The following CCDC18 variants were observed in gnomAD, a reference collection of about 807,000 sequenced individuals.
CCDC18 encodes coiled-coil domain-containing protein 18.
A neutral mutation model predicts 196.0 loss-of-function variants in CCDC18; 157 were observed. The ratio of observed to expected loss-of-function variants is 0.80; its 90% CI spans 0.70 to 0.91. The LOEUF (loss-of-function observed/expected upper bound fraction) is 0.91. CCDC18 is among the 40% of genes least tolerant of loss of function. CCDC18 has a pLI of 0.00. For synonymous variants in CCDC18, 482 were observed against 529.2 expected (o/e 0.91, Z 1.22); for missense variants, 1,465 against 1,611.6 (o/e 0.91, Z 1.56).
At chr1:93,254,669 G>C in intron 24 of CCDC18, 55 bp downstream of exon 24, 1 of 1,491,722 alleles carries the variant, frequency 6.7e-7, no homozygotes, top group Non-Finnish European at 9.2e-7. Flanking sequence ...TGAGTGAAAT[G>C]AATCTTTATG....
chr1:93,197,486 T>C (rs61799470), intron 6 of CCDC18, among the ~76,000 whole-genome samples: 13,284 of 152,024 alleles, frequency 0.087, 912 homozygotes, highest in East Asian at 0.28. Flanking sequence ...AACTTTAAAA[T>C]AAATGAAAAA....
chr1:93,180,612 G>A (rs778466128), upstream of CCDC18: 7 of 1,348,458 alleles, frequency 5.2e-6, no homozygotes, highest in Non-Finnish European at 6.8e-6. Context: ...GGGCTCGGGC[G>A]CGCTCGCCGA....
intron 28 of CCDC18, chr1:93,271,400 T>C (rs1570664952): frequency 1.0e-6 from 1 of 985,202 alleles, no homozygotes; most frequent in South Asian, 4.7e-5. Flanking sequence ...ATCCCTCTTC[T>C]TTTTTAGAGA....
chr1:93,225,198 T>C lies in CCDC18; in HGVS notation c.2176-1135T>C, dbSNP rs192263785. On this transcript the variant is annotated intron_variant, in intron 16 of 28. Coordinates refer to ENST00000690025, the MANE Select transcript of CCDC18 (RefSeq NM_001378204.1). ...ATTAGCATTAAGAGGAAGAACACCA[T>C]TGAGAAGCTCAAATTTACAATAAAG... Among the ~76,000 whole-genome samples, 95 of 152,292 alleles carry C rather than the reference T, an allele frequency of 6.2e-4. 1 individual carries two copies. Among genetic ancestry groups the C allele is most frequent in the Admixed American group, 6.0e-3 (92 of 15,296 alleles).
At chr1:93,206,109 C>T (rs1371790012) in intron 8 of CCDC18, among the ~76,000 whole-genome samples, 1 of 116,866 alleles carries the variant, frequency 8.6e-6, no homozygotes, top group Non-Finnish European at 2.1e-5. Flanking sequence ...ATCATGTTGT[C>T]CTCTCAAAAC....
intron 21 of CCDC18, among the ~76,000 whole-genome samples, chr1:93,240,608 A>G (rs1660636596): frequency 6.6e-6 from 1 of 152,228 alleles, no homozygotes; most frequent in Non-Finnish European, 1.5e-5. Flanking sequence ...ACTGTACCAC[A>G]GAATTCAGTG....
Position 93,239,683 on chromosome 1 carries a change from T to G in CCDC18, c.2768T>G (p.Val923Gly). ...TAAAATTATTCTCTCCTCTTAATAGTAAAGGAGTTAGAAAAGTTACAGCAC... is the reference window on the plus strand; with the variant it reads ...TAAAATTATTCTCTCCTCTTAATAGGAAAGGAGTTAGAAAAGTTACAGCAC... Reference protein sequence around the residue: ...KTELEKKTNAVKELEKLQHST... With the variant: ...KTELEKKTNAGKELEKLQHST... Residue 923 changes from valine (V) to glycine (G), a missense_variant and splice_region_variant, in exon 21 of 29, where the codon GTA becomes GGA. Physicochemically the swap from Val to Gly is moderately radical, Grantham distance 109. Transcript: ENST00000690025. 1 of 1,596,280 alleles carries G rather than the reference T, an allele frequency of 6.3e-7. No individual in the cohort carries two copies. The highest frequency in any genetic ancestry group is 1.3e-5 in the African/African-American group (1 of 74,472).
At chr1:93,221,290 T>A (rs1657392096) in intron 14 of CCDC18, among the ~76,000 whole-genome samples, 1 of 44,536 alleles carries the variant, frequency 2.2e-5, no homozygotes, top group South Asian at 4.4e-4. Flanking sequence ...CTCCAGCATC[T>A]GTTTTTTGAC....
intron 2 of CCDC18, 65 bp downstream of exon 2, chr1:93,183,560 A>C (rs1396564988): frequency 8.5e-7 from 1 of 1,170,350 alleles, no homozygotes. Flanking sequence ...AAATGTGTGG[A>C]TTTCATTATG....
At chr1:93,259,611 G>T (rs1000321081) in intron 26 of CCDC18, among the ~76,000 whole-genome samples, 2 of 152,142 alleles carry the variant, frequency 1.3e-5, no homozygotes, top group African/African-American at 4.8e-5. Context: ...GGGCTTGTGG[G>T]GACCATGTCT....
At chr1:93,250,154 A>G (rs935075062) in intron 23 of CCDC18, among the ~76,000 whole-genome samples, 6 of 151,916 alleles carry the variant, frequency 3.9e-5, no homozygotes, top group South Asian at 2.1e-4. Flanking sequence ...TGTATTCTGG[A>G]TAATATTCCA....
At chr1:93,196,193 C>T (rs1432316029) in intron 6 of CCDC18, among the ~76,000 whole-genome samples, 2 of 152,084 alleles carry the variant, frequency 1.3e-5, no homozygotes, top group African/African-American at 4.8e-5. Flanking sequence ...TGTGGTGGCA[C>T]ACGCCTGGAG....
chr1:93,217,101 AT>A (rs533758901), intron 13 of CCDC18, among the ~76,000 whole-genome samples: 1 of 148,796 alleles, frequency 6.7e-6, no homozygotes, highest in Non-Finnish European at 1.5e-5. Flanking sequence ...CGCCTGGCTA[AT>A]TTTTTTTGTA....
At chr1:93,194,021 G>A (rs917437227) in intron 6 of CCDC18, among the ~76,000 whole-genome samples, 2 of 151,812 alleles carry the variant, frequency 1.3e-5, no homozygotes, top group Non-Finnish European at 2.9e-5. Context: ...AAGTTCTATG[G>A]CCTATTTGAA....
intron 28 of CCDC18, among the ~76,000 whole-genome samples, chr1:93,277,562 C>T (rs1229633240): frequency 6.9e-6 from 1 of 145,264 alleles, no homozygotes; most frequent in African/African-American, 2.7e-5. Context: ...GCACCTCCCT[C>T]AATCCATTTA....
At chr1:93,251,139 G>A (rs1162557011) in intron 23 of CCDC18, among the ~76,000 whole-genome samples, 1 of 152,050 alleles carries the variant, frequency 6.6e-6, no homozygotes, top group Non-Finnish European at 1.5e-5. Flanking sequence ...GCTTTGTGGT[G>A]AGACTTATAG....
intron 28 of CCDC18, chr1:93,271,183 G>T (rs747121489): frequency 1.0e-6 from 1 of 985,336 alleles, no homozygotes; most frequent in South Asian, 4.7e-5. Context: ...TCATAACTTC[G>T]TCATAATTTA....
chr1:93,207,282 C>T lies in CCDC18; in HGVS notation c.1093C>T (p.Arg365Ter), dbSNP rs748845967. 3.0e-5 allele frequency: 49 copies of T among 1,612,606 alleles called. No homozygotes were observed. The highest frequency in any genetic ancestry group is 1.6e-4 in the East Asian group (7 of 44,796). The change falls in exon 9 of 29, where the codon CGA becomes TGA. Residue 365 changes from arginine (R) to a stop codon, truncating the protein, a stop_gained. Transcript: ENST00000690025. LOFTEE classifies it high-confidence loss of function. ...CAAATTTTCTTTAATGAATGAAAAC[C>T]GAGAATTAAAGGTCCGTGTTGCAGC... Reference protein sequence around the residue: ...RDKFSLMNENRELKVRVAAQN... With the variant: ...RDKFSLMNEN
intron 28 of CCDC18, among the ~76,000 whole-genome samples, chr1:93,272,863 A>G (rs1665397426): frequency 6.6e-6 from 1 of 152,202 alleles, no homozygotes; most frequent in Non-Finnish European, 1.5e-5. Context: ...AGACAGGGAA[A>G]CAGCCATTCA....
Sources: gnomAD v4.1 joint callset for allele counts (sites outside exome capture counted in the v4.1 genomes callset) on GRCh38, gnomAD v4.1.1 for gene constraint, MANE v1.5 for transcripts, NCBI Gene and HGNC (gene_info 2026-07-23, HGNC 2026-07-21) for gene names.